The following MAPKAP1 variants were observed in gnomAD, a reference collection of about 807,000 sequenced individuals.
MAPKAP1 encodes MAPK associated protein 1.
A neutral mutation model predicts 65.7 loss-of-function variants in MAPKAP1; 20 were observed. The ratio of observed to expected loss-of-function variants is 0.30; its 90% CI spans 0.21 to 0.44. The LOEUF is 0.44. MAPKAP1 is among the 20% of genes least tolerant of loss of function. The pLI is 1.00. For missense variants in MAPKAP1, 423 were observed against 648.0 expected (o/e 0.65, Z 3.77); for synonymous variants, 222 against 244.3 (o/e 0.91, Z 0.85).
At chr9:125,494,467 T>G (rs1327530009) in intron 8 of MAPKAP1, among the ~76,000 whole-genome samples, 2 of 152,216 alleles carry the variant, frequency 1.3e-5, no homozygotes, top group East Asian at 3.8e-4. Flanking sequence ...CCAGCCAGGC[T>G]GGAGGACTTT....
chr9:125,476,704 A>G (rs1487695007), intron 9 of MAPKAP1, among the ~76,000 whole-genome samples: 3 of 152,146 alleles, frequency 2.0e-5, no homozygotes, highest in African/African-American at 4.8e-5. Context: ...TGCATGTTGT[A>G]TACTTAAAAA....
At chr9:125,482,147 A>AG in intron 9 of MAPKAP1, among the ~76,000 whole-genome samples, 2 of 118,392 alleles carry the variant, frequency 1.7e-5, no homozygotes, top group African/African-American at 6.6e-5. Context: ...AAAAAAAAAA[A>AG]AAAGAAGAAG....
chr9:125,563,406 C>T (rs1254866083), intron 5 of MAPKAP1, among the ~76,000 whole-genome samples: 1 of 152,142 alleles, frequency 6.6e-6, no homozygotes, highest in Non-Finnish European at 1.5e-5. Context: ...GCTCCATTTT[C>T]TTATCGGAAA....
At chr9:125,472,799 G>T (rs1853968899) in intron 9 of MAPKAP1, among the ~76,000 whole-genome samples, 1 of 152,182 alleles carries the variant, frequency 6.6e-6, no homozygotes, top group African/African-American at 2.4e-5. Context: ...TATAAAAAAA[G>T]ATGTCAAAAG....
At chr9:125,502,435 G>A (rs1829011944) in intron 8 of MAPKAP1, among the ~76,000 whole-genome samples, 1 of 151,950 alleles carries the variant, frequency 6.6e-6, no homozygotes, top group Non-Finnish European at 1.5e-5. Flanking sequence ...TGAATTAGAG[G>A]GCTGTAAAAC....
intron 4 of MAPKAP1, among the ~76,000 whole-genome samples, chr9:125,652,859 G>A (rs967688579): frequency 5.3e-5 from 8 of 152,090 alleles, no homozygotes; most frequent in African/African-American, 1.9e-4. Flanking sequence ...TCAACATGCA[G>A]ACCGTTTTCA....
chr9:125,701,887 C>T (rs1477173852), intron 1 of MAPKAP1, among the ~76,000 whole-genome samples: 1 of 152,166 alleles, frequency 6.6e-6, no homozygotes, highest in African/African-American at 2.4e-5. Flanking sequence ...AAACTATCAG[C>T]GCAAGCTACA....
chr9:125,462,136 G>A (rs1853520380), intron 10 of MAPKAP1, among the ~76,000 whole-genome samples: 1 of 152,250 alleles, frequency 6.6e-6, no homozygotes, highest in African/African-American at 2.4e-5. Flanking sequence ...ACATGCGTGT[G>A]TTCTCTGCTA....
chr9:125,576,920 C>T (rs1285748330), intron 5 of MAPKAP1, among the ~76,000 whole-genome samples: 1 of 152,156 alleles, frequency 6.6e-6, no homozygotes. Context: ...GCCGAGATTG[C>T]AGCCTCTGCC....
chr9:125,697,151 G>A (rs1027204259), intron 1 of MAPKAP1, among the ~76,000 whole-genome samples: 4 of 152,174 alleles, frequency 2.6e-5, no homozygotes, highest in East Asian at 1.9e-4. Context: ...GCTTTCCTGG[G>A]AATAGTAACA....
At chr9:125,472,850 A>G (rs1182375158) in intron 9 of MAPKAP1, among the ~76,000 whole-genome samples, 2 of 152,254 alleles carry the variant, frequency 1.3e-5, no homozygotes, top group African/African-American at 2.4e-5. Flanking sequence ...AACTCTGGTT[A>G]GTAGAATTAT....
At chr9:125,677,963 G>A (rs1834701223) in intron 1 of MAPKAP1, among the ~76,000 whole-genome samples, 1 of 152,072 alleles carries the variant, frequency 6.6e-6, no homozygotes, top group Non-Finnish European at 1.5e-5. Context: ...CATCGCCCAG[G>A]CTGAAGTGCA....
chr9:125,580,394 GA>G (rs1487209387), intron 5 of MAPKAP1, among the ~76,000 whole-genome samples: 1 of 152,130 alleles, frequency 6.6e-6, no homozygotes, highest in African/African-American at 2.4e-5. Flanking sequence ...TAGGGACATG[GA>G]TAAAGCTGGA....
intron 1 of MAPKAP1, among the ~76,000 whole-genome samples, chr9:125,681,570 C>T (rs1281216012): frequency 6.6e-6 from 1 of 152,172 alleles, no homozygotes; most frequent in Non-Finnish European, 1.5e-5. Flanking sequence ...CAGAATCTTA[C>T]ATCTGCCAAG....
chr9:125,589,752 G>T (rs1831897759), intron 4 of MAPKAP1, among the ~76,000 whole-genome samples: 1 of 152,050 alleles, frequency 6.6e-6, no homozygotes, highest in African/African-American at 2.4e-5. Flanking sequence ...TATTCCCTCA[G>T]CCTCATCTGT....
intron 4 of MAPKAP1, among the ~76,000 whole-genome samples, chr9:125,646,908 A>G (rs1410521958): frequency 6.6e-6 from 1 of 152,252 alleles, no homozygotes; most frequent in Non-Finnish European, 1.5e-5. Context: ...ATCTGGCCCT[A>G]GCCTCAGAGT....
chr9:125,694,127 G>A (rs1228190762), intron 1 of MAPKAP1, among the ~76,000 whole-genome samples: 2 of 151,904 alleles, frequency 1.3e-5, no homozygotes. Flanking sequence ...TCAGGAGTTC[G>A]AGACCAGCCT....
chr9:125,477,940 A>T (rs1185157524), intron 9 of MAPKAP1: 1 of 152,242 alleles, frequency 6.6e-6, no homozygotes, highest in Non-Finnish European at 1.5e-5. Flanking sequence ...ACTTTTTAGG[A>T]CTGACAGAGG....
intron 6 of MAPKAP1, among the ~76,000 whole-genome samples, chr9:125,552,563 A>G (rs189393800): frequency 2.8e-4 from 42 of 152,352 alleles, no homozygotes; most frequent in East Asian, 1.7e-3. Context: ...CATATTAATT[A>G]TATAATAAAA....
Sources: allele counts gnomAD v4.1 joint callset (sites outside exome capture counted in the v4.1 genomes callset), GRCh38; gene constraint gnomAD v4.1.1; transcripts MANE v1.5; gene names NCBI Gene and HGNC (gene_info 2026-07-23, HGNC 2026-07-21).